The following CSMD2 variants were observed in gnomAD, a reference collection of about 807,000 sequenced individuals.
CSMD2 encodes CUB and Sushi multiple domains 2, also known as CUB and sushi domain-containing protein 2.
CSMD2 carries 130 observed loss-of-function variants against 398.5 expected under a neutral mutation model. The ratio of observed to expected loss-of-function variants is 0.33; its 90% CI spans 0.28 to 0.38. The LOEUF is 0.38. Among genes scored for constraint, CSMD2 ranks in the 10% least tolerant of loss-of-function variants. The probability of loss-of-function intolerance (pLI) is 1.00; values close to 1 mark genes in which losing one functional copy is unlikely to be tolerated. For synonymous variants in CSMD2, 1,828 were observed against 1,908.5 expected (o/e 0.96, Z 1.10); for missense variants, 3,829 against 4,764.9 (o/e 0.80, Z 5.78).
intron 1 of CSMD2, among the ~76,000 whole-genome samples, chr1:34,099,741 C>T (rs2148407744): frequency 6.6e-6 from 1 of 152,316 alleles, no homozygotes; most frequent in East Asian, 1.9e-4. Context: ...AGATGAGGGT[C>T]TTGAATGAGG....
intron 7 of CSMD2, among the ~76,000 whole-genome samples, chr1:33,822,617 C>T (rs1658286593): frequency 6.6e-6 from 1 of 152,172 alleles, no homozygotes; most frequent in Admixed American, 6.5e-5. Context: ...TGAGCCGTTC[C>T]CACCAGTCCA....
chr1:33,816,765 A>C (rs950649311), intron 9 of CSMD2, among the ~76,000 whole-genome samples: 6 of 152,170 alleles, frequency 3.9e-5, no homozygotes, highest in Non-Finnish European at 7.3e-5. Context: ...TCATATCTCA[A>C]AATGAGGGCA....
At chr1:33,691,753 CCT>C (rs1645248950) in intron 25 of CSMD2, among the ~76,000 whole-genome samples, 1 of 152,164 alleles carries the variant, frequency 6.6e-6, no homozygotes, top group African/African-American at 2.4e-5. Flanking sequence ...TCCATGGCTC[CCT>C]CTTAGTTACT....
chr1:34,161,182 C>A (rs184139294), intron 1 of CSMD2, among the ~76,000 whole-genome samples: 1 of 152,194 alleles, frequency 6.6e-6, no homozygotes, highest in African/African-American at 2.4e-5. Context: ...AAAGGAAATA[C>A]GGGAGGCTTA....
chr1:33,969,851 G>A (rs896824670), intron 3 of CSMD2, among the ~76,000 whole-genome samples: 5 of 152,042 alleles, frequency 3.3e-5, no homozygotes, highest in Admixed American at 6.5e-5. Context: ...GGTGGCTCAC[G>A]CCTGTAATCT....
At chr1:33,541,794 G>A (rs760662841) in intron 58 of CSMD2, among the ~76,000 whole-genome samples, 27 of 152,196 alleles carry the variant, frequency 1.8e-4, no homozygotes, top group Admixed American at 3.9e-4. Flanking sequence ...AATGAGGCTA[G>A]GACCCAGGGA....
intron 40 of CSMD2, among the ~76,000 whole-genome samples, chr1:33,613,128 G>A (rs186179922): frequency 6.6e-6 from 1 of 152,322 alleles, no homozygotes; most frequent in Non-Finnish European, 1.5e-5. Context: ...CCAAGTTAGG[G>A]ACCTCGGCAG....
At chr1:34,039,337 T>C (rs1218829058) in intron 2 of CSMD2, among the ~76,000 whole-genome samples, 7 of 152,232 alleles carry the variant, frequency 4.6e-5, no homozygotes, top group African/African-American at 1.7e-4. Context: ...CCAAGGTCAG[T>C]GATCCTTGGC....
At chr1:34,158,166 G>C (rs1335304698) in intron 1 of CSMD2, among the ~76,000 whole-genome samples, 2 of 152,060 alleles carry the variant, frequency 1.3e-5, no homozygotes, top group African/African-American at 4.8e-5. Flanking sequence ...TGAGAGCCAC[G>C]CCATCATTTT....
At chr1:34,046,955 A>G (rs183092542) in intron 2 of CSMD2, among the ~76,000 whole-genome samples, 3 of 151,944 alleles carry the variant, frequency 2.0e-5, no homozygotes, top group Admixed American at 2.0e-4. Context: ...TACTGCAGTA[A>G]CCTCCTAACC....
intron 6 of CSMD2, among the ~76,000 whole-genome samples, chr1:33,829,617 T>C (rs986226890): frequency 6.6e-6 from 1 of 152,092 alleles, no homozygotes; most frequent in African/African-American, 2.4e-5. Flanking sequence ...CCATCTGAGG[T>C]ACTGGGTTCA....
At chr1:33,538,974 A>AT (rs530685979) in intron 60 of CSMD2, among the ~76,000 whole-genome samples, 154 of 147,580 alleles carry the variant, frequency 1.0e-3, no homozygotes, top group South Asian at 3.0e-3. Context: ...AAAGAAAGGC[A>AT]TTTTTTTTTT....
At chr1:33,691,384 C>T (rs1645234555) in intron 25 of CSMD2, among the ~76,000 whole-genome samples, 1 of 152,132 alleles carries the variant, frequency 6.6e-6, no homozygotes, top group Admixed American at 6.5e-5. Context: ...TTAACTTGTT[C>T]CCTAACAATG....
At chr1:33,722,611 A>G (rs74328245) in intron 19 of CSMD2, among the ~76,000 whole-genome samples, 4,595 of 152,012 alleles carry the variant, frequency 0.03, 248 homozygotes, top group African/African-American at 0.1. Context: ...TTGGCTAGGC[A>G]TATGTCTCCT....
chr1:33,524,912 C>A lies in CSMD2; in HGVS notation c.10366G>T (p.Asp3456Tyr). ...AAGTGCAGCTCCACGCCACTGTGGT[C>A]GATCATGGTGGCATTGACCTTGCTG... ...ANSKVNATMI[D>Y]HSGVELHLAG... The change falls in exon 66 of 71, where the codon GAC (aspartate) becomes TAC (tyrosine). Residue 3456 changes from aspartate (D) to tyrosine (Y), a missense_variant. Asp to Tyr is a radical substitution (Grantham distance 160). Transcript: ENST00000373381. 6.2e-7 allele frequency: 1 copy of A among 1,614,166 alleles called. No individual in the cohort carries two copies. Among genetic ancestry groups the A allele is most frequent in the South Asian group, 1.1e-5 (1 of 91,066 alleles).
At position 33,725,539 on chromosome 1, in the gene CSMD2, G is replaced by A; in HGVS notation, c.2508-3C>T. 6.2e-7 allele frequency: 1 copy of A among 1,613,730 alleles called. No homozygotes were observed. The highest frequency in any genetic ancestry group is 8.5e-7 in the Non-Finnish European group (1 of 1,179,630). On this transcript the variant is annotated splice_polypyrimidine_tract_variant and splice_region_variant and intron_variant, in intron 16 of 70. Transcript: ENST00000373381. The stretch of plus-strand genomic sequence containing the variant: ...CATAGTTGACCTCGGTTTTGAATCT[G>A]CCAAATGACAGAAATGAAGCCTTCT...
At chr1:33,942,602 T>C (rs1213283637) in intron 3 of CSMD2, among the ~76,000 whole-genome samples, 1 of 152,234 alleles carries the variant, frequency 6.6e-6, no homozygotes, top group Non-Finnish European at 1.5e-5. Context: ...ATCATGGTTA[T>C]GTGGAAAGTT....
At chr1:33,960,819 C>A (rs1645333197) in intron 3 of CSMD2, among the ~76,000 whole-genome samples, 1 of 152,178 alleles carries the variant, frequency 6.6e-6, no homozygotes, top group Admixed American at 6.5e-5. Flanking sequence ...TTAGAAAGCG[C>A]CCACTGATTA....
intron 1 of CSMD2, among the ~76,000 whole-genome samples, chr1:34,091,709 C>T (rs1658583826): frequency 6.6e-6 from 1 of 152,094 alleles, no homozygotes; most frequent in Non-Finnish European, 1.5e-5. Context: ...TAAAATTAGG[C>T]ATGTAACCCT....
Sources: gnomAD v4.1 joint callset for allele counts (sites outside exome capture counted in the v4.1 genomes callset) on GRCh38, gnomAD v4.1.1 for gene constraint, MANE v1.5 for transcripts, NCBI Gene and HGNC (gene_info 2026-07-23, HGNC 2026-07-21) for gene names.